The following KLRD1 variants were observed in gnomAD, a reference collection of about 807,000 sequenced individuals.
KLRD1 encodes the protein natural killer cells antigen CD94.
A neutral mutation model predicts 22.6 loss-of-function variants in KLRD1; 21 were observed. The ratio of observed to expected loss-of-function variants is 0.93; its 90% CI spans 0.66 to 1.34. The LOEUF is 1.34. KLRD1 is among the 40% of genes most tolerant of loss of function. KLRD1 has a pLI of 0.00. For missense variants in KLRD1, 183 were observed against 208.6 expected, an observed-to-expected ratio of 0.88 and a Z score of 0.76; for synonymous variants, 59 against 71.1, an observed-to-expected ratio of 0.83 and a Z score of 0.85.
intron 1 of KLRD1, among the ~76,000 whole-genome samples, chr12:10,269,863 T>G (rs1949533307): frequency 6.6e-6 from 1 of 152,152 alleles, no homozygotes; most frequent in African/African-American, 2.4e-5. Context: ...TTCATAATAT[T>G]AAGTCAAATT....
intron 1 of KLRD1, among the ~76,000 whole-genome samples, chr12:10,277,613 A>T (rs1321912874): frequency 6.6e-6 from 1 of 152,080 alleles, no homozygotes; most frequent in Non-Finnish European, 1.5e-5. Context: ...TACTTCACTT[A>T]TTTCTTTTCT....
intron 1 of KLRD1, among the ~76,000 whole-genome samples, chr12:10,239,591 T>C (rs1592013826): frequency 6.8e-6 from 1 of 146,342 alleles, no homozygotes; most frequent in African/African-American, 2.6e-5. Flanking sequence ...TTCTTTTTCT[T>C]TCTTTCTTTC....
At chr12:10,243,170 T>G (rs1356155758) in intron 1 of KLRD1, among the ~76,000 whole-genome samples, 1 of 152,094 alleles carries the variant, frequency 6.6e-6, no homozygotes, top group Non-Finnish European at 1.5e-5. Flanking sequence ...GTTTAGGCAA[T>G]GGGAATAAGC....
At chr12:10,243,757 A>G (rs989370042) in intron 1 of KLRD1, among the ~76,000 whole-genome samples, 1 of 152,104 alleles carries the variant, frequency 6.6e-6, no homozygotes, top group Non-Finnish European at 1.5e-5. Context: ...GAAGTGTGCA[A>G]ATAAAGGTGT....
intron 1 of KLRD1, among the ~76,000 whole-genome samples, chr12:10,275,321 A>G (rs904321665): frequency 1.3e-5 from 2 of 152,180 alleles, no homozygotes; most frequent in Non-Finnish European, 2.9e-5. Context: ...ATGGTAAATC[A>G]TTAAGCTTGG....
In KLRD1 at chr12:10,246,931, T is replaced by C. The variant is rs1463394469; in HGVS notation, c.-101+20698T>C. Among the ~76,000 whole-genome samples, 8 of 129,308 alleles carry C rather than the reference T, an allele frequency of 6.2e-5. 1 individual carries two copies. Among genetic ancestry groups the C allele is most frequent in the African/African-American group, 1.7e-4 (5 of 28,912 alleles). 84.8% of individuals were successfully genotyped at this position (129,308 alleles called of 152,430 possible). A position where few individuals can be genotyped will look rare whatever the true frequency, so the allele number is the denominator to read the frequency against. On this transcript the variant is annotated intron_variant, in intron 1 of 5. Coordinates refer to the KLRD1 transcript ENST00000544747. ...TTTTTTCTTTTTCTTTTCTTTTCTT[T>C]TCTTTTTTTTTTTTTTTTTGAGATA...
At chr12:10,271,264 C>A (rs2045242308) in intron 1 of KLRD1, among the ~76,000 whole-genome samples, 1 of 152,132 alleles carries the variant, frequency 6.6e-6, no homozygotes, top group African/African-American at 2.4e-5. Flanking sequence ...TGTAGAAATA[C>A]TGAAGCACTA....
upstream of KLRD1, among the ~76,000 whole-genome samples, chr12:10,305,702 A>G (rs958320278): frequency 6.6e-6 from 1 of 152,120 alleles, no homozygotes; most frequent in Non-Finnish European, 1.5e-5. Flanking sequence ...GTTATTGGAG[A>G]AAAAAAGAAC....
rs1037514898 is a variant in KLRD1, at chr12:10,287,203, C to T, written c.-100-20775C>T. On this transcript the variant is annotated intron_variant, in intron 1 of 5. Transcript: ENST00000544747. Reference sequence around the variant, plus strand: ...TTGTGTTTTTTTGATGATTAAAAACCGTGGTGAAACTGTACCTAAAAGCAA... The same window carrying T: ...TTGTGTTTTTTTGATGATTAAAAACTGTGGTGAAACTGTACCTAAAAGCAA... 5.9e-5 allele frequency among the ~76,000 whole-genome samples: 9 copies of T among 151,814 alleles called. No homozygotes were observed. The South Asian group carries it at 6.2e-4, about 11-fold the overall frequency.
Position 10,315,166 on chromosome 12 carries a change from C to T in KLRD1, c.*373C>T, listed in dbSNP as rs1173398345. The T allele has an allele frequency of 3.6e-6, 1 of 274,996 alleles. No homozygotes were observed. The highest frequency in any genetic ancestry group is 5.6e-5 in the Admixed American group (1 of 17,726). The allele number at this position is 274,996 out of a possible 1,614,324, so 17.0% of individuals were successfully genotyped here. A position where few individuals can be genotyped will look rare whatever the true frequency, so the allele number is the denominator to read the frequency against. The stretch of plus-strand genomic sequence containing the variant: ...AAAATTTAGAAAATAAAATTTAACT[C>T]ACACTGCCCAGGCTGGAGCATAGTG... On this transcript the variant is annotated 3_prime_UTR_variant, in exon 6 of 6. Coordinates refer to ENST00000336164, the MANE Select transcript of KLRD1 (RefSeq NM_002262.5).
At chr12:10,244,464 C>A (rs550378193) in intron 1 of KLRD1, among the ~76,000 whole-genome samples, 2 of 152,232 alleles carry the variant, frequency 1.3e-5, no homozygotes, top group South Asian at 4.1e-4. Flanking sequence ...AAAAAGTTTT[C>A]ATTTCCAATA....
upstream of KLRD1, among the ~76,000 whole-genome samples, chr12:10,307,378 C>T (rs1949949083): frequency 6.6e-6 from 1 of 152,022 alleles, no homozygotes; most frequent in South Asian, 2.1e-4. Flanking sequence ...CCTGTCGTGG[C>T]CAGGATAATT....
At chr12:10,267,883 A>G (rs1221484542) in intron 1 of KLRD1, among the ~76,000 whole-genome samples, 1 of 152,198 alleles carries the variant, frequency 6.6e-6, no homozygotes, top group East Asian at 1.9e-4. Context: ...CATTCAATGA[A>G]CTAAAAGACA....
At position 10,315,341 on chromosome 12, in the gene KLRD1, G is replaced by A. The variant is rs1472410787; in HGVS notation, c.*548G>A. The A allele has an allele frequency of 2.4e-6, 1 of 422,354 alleles. No individual in the cohort carries two copies. The highest frequency in any genetic ancestry group is 9.1e-5 in the East Asian group (1 of 10,962). The allele number at this position is 422,354 out of a possible 1,614,324, so 26.2% of individuals were successfully genotyped here. ...AGGTCTTGCTATGTTGCCCAGGCTG[G>A]TCTTGAACTCCTGGCCTCAAGGGAT... is the stretch of plus-strand genomic sequence containing the variant. On this transcript the variant is annotated 3_prime_UTR_variant, in exon 6 of 6. Coordinates refer to ENST00000336164, the MANE Select transcript of KLRD1 (RefSeq NM_002262.5).
upstream of KLRD1, among the ~76,000 whole-genome samples, chr12:10,303,900 T>G (rs1011381430): frequency 1.3e-5 from 2 of 152,200 alleles, no homozygotes; most frequent in Non-Finnish European, 1.5e-5. Context: ...AAAGTCTGTT[T>G]AAGTAAAACA....
Position 10,326,730 on chromosome 12 carries a change from C to G in KLRD1, c.*11937C>G, listed in dbSNP as rs570079746. On this transcript the variant is annotated 3_prime_UTR_variant, in exon 6 of 6. Transcript: ENST00000336164. ...TTGCATCTTTTTGTTTCTGATTAGC[C>G]TTTCCAAAGGAGGCAATCAGATACG... 6.6e-6 allele frequency: 1 copy of G among 152,090 alleles called. No individual in the cohort carries two copies. The highest frequency in any genetic ancestry group is 1.5e-5 in the Non-Finnish European group (1 of 68,036). 9.4% of individuals were successfully genotyped at this position (152,090 alleles called of 1,614,324 possible). A position where few individuals can be genotyped will look rare whatever the true frequency, so the allele number is the denominator to read the frequency against.
rs1430598050 is a variant in KLRD1, at chr12:10,316,139, A to AG, written c.*1347dup. ...CTCCAAAAAAAAAAAAAAAAAAAAA[A>AG]GATGAAAGGATTTGGAACCTTAATT... On this transcript the variant is annotated 3_prime_UTR_variant, in exon 6 of 6. Coordinates refer to ENST00000336164, the MANE Select transcript of KLRD1 (RefSeq NM_002262.5). 1 of 150,232 alleles carries AG rather than the reference A, an allele frequency of 6.7e-6. No homozygotes were observed. The highest frequency in any genetic ancestry group is 1.5e-5 in the Non-Finnish European group (1 of 67,562). 9.3% of individuals were successfully genotyped at this position (150,232 alleles called of 1,614,324 possible). A position where few individuals can be genotyped will look rare whatever the true frequency, so the allele number is the denominator to read the frequency against.
intron 1 of KLRD1, among the ~76,000 whole-genome samples, chr12:10,271,960 G>A (rs914909832): frequency 4.6e-5 from 7 of 152,032 alleles, no homozygotes; most frequent in African/African-American, 7.2e-5. Context: ...ATATAAAGTC[G>A]ATAGCATAGT....
At position 10,328,195 on chromosome 12, in the gene KLRD1, C is replaced by T. The variant is rs1183985328; in HGVS notation, c.*13402C>T. ...TAAAATTAGTTTGAAAGTATTTATT[C>T]TTTTTAAATTTTTATATAATAGCTT... On this transcript the variant is annotated 3_prime_UTR_variant, in exon 6 of 6. Coordinates refer to ENST00000336164, the MANE Select transcript of KLRD1 (RefSeq NM_002262.5). 3 of 152,032 alleles carry T rather than the reference C, an allele frequency of 2.0e-5. No homozygotes were observed. The highest frequency in any genetic ancestry group is 2.1e-4 in the South Asian group (1 of 4,816). The allele number at this position is 152,032 out of a possible 1,614,324, so 9.4% of individuals were successfully genotyped here. A position where few individuals can be genotyped will look rare whatever the true frequency, so the allele number is the denominator to read the frequency against.
Sources: allele counts gnomAD v4.1 joint callset (sites outside exome capture counted in the v4.1 genomes callset), GRCh38; gene constraint gnomAD v4.1.1; transcripts MANE v1.5; gene names NCBI Gene and HGNC (gene_info 2026-07-23, HGNC 2026-07-21).